SLC4A10: variants seen among roughly 807,000 people sequenced by gnomAD.
SLC4A10 encodes sodium-driven chloride bicarbonate exchanger.
In SLC4A10, 42 loss-of-function variants were observed where a neutral mutation model predicts 137.7. That is an observed-to-expected ratio of 0.30 (90% CI 0.24 to 0.39). The LOEUF (loss-of-function observed/expected upper bound fraction) is 0.39, where lower values mean the gene tolerates loss of function less well. SLC4A10 is among the 10% of genes least tolerant of loss of function. SLC4A10 has a pLI of 1.00. For synonymous variants in SLC4A10, 474 were observed against 464.1 expected, an observed-to-expected ratio of 1.02 and a Z score of -0.27; for missense variants, 925 against 1,355.0, an observed-to-expected ratio of 0.68 and a Z score of 4.98.
At chr2:161,915,544 C>T (rs1686931032) in intron 15 of SLC4A10, among the ~76,000 whole-genome samples, 1 of 152,192 alleles carries the variant, frequency 6.6e-6, no homozygotes, top group Non-Finnish European at 1.5e-5. Context: ...TAGCTGATAA[C>T]ACACTGCTGT....
intron 4 of SLC4A10, among the ~76,000 whole-genome samples, chr2:161,850,757 G>T (rs1202901782): frequency 2.0e-5 from 3 of 151,998 alleles, no homozygotes; most frequent in Non-Finnish European, 4.4e-5. Context: ...TTATATTTGG[G>T]ATTGGTTGGC....
intron 2 of SLC4A10, among the ~76,000 whole-genome samples, chr2:161,775,609 A>G (rs2052225753): frequency 6.6e-6 from 1 of 151,850 alleles, no homozygotes. Flanking sequence ...CTCTATACTG[A>G]GCCTTAAACT....
chr2:161,895,926 C>A (rs2063447636), intron 11 of SLC4A10, among the ~76,000 whole-genome samples: 1 of 151,558 alleles, frequency 6.6e-6, no homozygotes, highest in South Asian at 2.1e-4. Context: ...AATTAGATCC[C>A]ATTTGTCAAT....
At chr2:161,886,522 C>T (rs1290086059) in intron 10 of SLC4A10, among the ~76,000 whole-genome samples, 1 of 152,114 alleles carries the variant, frequency 6.6e-6, no homozygotes, top group Non-Finnish European at 1.5e-5. Context: ...CGTCATTCTA[C>T]TTAAACTGCT....
chr2:161,661,588 C>A (rs917587078), intron 1 of SLC4A10, among the ~76,000 whole-genome samples: 1 of 152,208 alleles, frequency 6.6e-6, no homozygotes, highest in Non-Finnish European at 1.5e-5. Flanking sequence ...TACTTAGCTT[C>A]TGTTTGAAAG....
At chr2:161,861,240 T>G (rs2060418018) in intron 5 of SLC4A10, among the ~76,000 whole-genome samples, 3 of 152,208 alleles carry the variant, frequency 2.0e-5, no homozygotes, top group Non-Finnish European at 4.4e-5. Context: ...TGGTTCAAGA[T>G]GGGCAGGGCT....
At chr2:161,968,999 C>T (rs183509889) in intron 23 of SLC4A10, among the ~76,000 whole-genome samples, 63 of 152,320 alleles carry the variant, frequency 4.1e-4, no homozygotes, top group Non-Finnish European at 7.2e-4. Context: ...GGTAAACGGA[C>T]AAGTTCTCCA....
intron 1 of SLC4A10, among the ~76,000 whole-genome samples, chr2:161,711,810 C>G (rs2044319219): frequency 6.6e-6 from 1 of 151,822 alleles, no homozygotes; most frequent in Admixed American, 6.6e-5. Context: ...GCTGCATGAT[C>G]TTGGCTTGTT....
chr2:161,882,080 TAAC>T (rs1264303901), intron 9 of SLC4A10, among the ~76,000 whole-genome samples: 1 of 150,796 alleles, frequency 6.6e-6, no homozygotes, highest in Non-Finnish European at 1.5e-5. Context: ...AAATTCCCAA[TAAC>T]AACTGCACAT....
chr2:161,763,778 A>G (rs2050510165), intron 1 of SLC4A10, among the ~76,000 whole-genome samples: 1 of 152,184 alleles, frequency 6.6e-6, no homozygotes, highest in Non-Finnish European at 1.5e-5. Flanking sequence ...TAGTTTATAA[A>G]GAGAGAGCAT....
chr2:161,871,146 G>A (rs1411437747), intron 6 of SLC4A10, among the ~76,000 whole-genome samples: 1 of 151,824 alleles, frequency 6.6e-6, no homozygotes, highest in Non-Finnish European at 1.5e-5. Flanking sequence ...AAGGGAAAGC[G>A]TTTTTGTGGG....
intron 15 of SLC4A10, among the ~76,000 whole-genome samples, chr2:161,934,412 A>G (rs1158131478): frequency 1.3e-5 from 2 of 152,274 alleles, no homozygotes; most frequent in East Asian, 1.9e-4. Flanking sequence ...AAGTGAAAAC[A>G]TGCAAAGTCT....
chr2:161,807,734 G>A (rs2056140151), intron 3 of SLC4A10, among the ~76,000 whole-genome samples: 1 of 151,798 alleles, frequency 6.6e-6, no homozygotes, highest in South Asian at 2.1e-4. Context: ...TACCTTTACT[G>A]CCTCTTTTAT....
At chr2:161,803,542 C>A (rs77882688) in intron 2 of SLC4A10, among the ~76,000 whole-genome samples, 8,643 of 152,202 alleles carry the variant, frequency 0.057, 368 homozygotes, top group South Asian at 0.13. Flanking sequence ...TCCCTGAAGC[C>A]CTGACAACTG....
chr2:161,807,458 C>T (rs1015177687), intron 3 of SLC4A10, among the ~76,000 whole-genome samples: 1 of 152,116 alleles, frequency 6.6e-6, no homozygotes, highest in Non-Finnish European at 1.5e-5. Flanking sequence ...CCTTCTCAAC[C>T]ATATTCACTC....
At chr2:161,697,810 A>G (rs1331791203) in intron 1 of SLC4A10, among the ~76,000 whole-genome samples, 1 of 152,210 alleles carries the variant, frequency 6.6e-6, no homozygotes, top group East Asian at 1.9e-4. Context: ...GTTCCATATG[A>G]ACTTTAAAGT....
At chr2:161,787,578 C>T (rs2053763934) in intron 2 of SLC4A10, among the ~76,000 whole-genome samples, 1 of 151,506 alleles carries the variant, frequency 6.6e-6, no homozygotes, top group African/African-American at 2.4e-5. Context: ...GTCAATTTAC[C>T]CCCTATACCA....
intron 14 of SLC4A10, 78 bp from the exon 15 acceptor site, chr2:161,905,564 T>G: frequency 6.6e-7 from 1 of 1,507,522 alleles, no homozygotes; most frequent in Non-Finnish European, 8.9e-7. Context: ...TGAATGAGGT[T>G]TATTTTCATT....
At chr2:161,982,997 A>G (rs146329651) in intron 26 of SLC4A10, among the ~76,000 whole-genome samples, 182 bp from the exon 27 acceptor site, 122 of 152,258 alleles carry the variant, frequency 8.0e-4, no homozygotes, top group African/African-American at 2.7e-3. Flanking sequence ...CTTGGTTTCT[A>G]TCTCACTGAG....
Sources: allele counts gnomAD v4.1 joint callset (sites outside exome capture counted in the v4.1 genomes callset), GRCh38; gene constraint gnomAD v4.1.1; transcripts MANE v1.5; gene names NCBI Gene and HGNC (gene_info 2026-07-23, HGNC 2026-07-21).